Variants in PDE12 observed in about 807,000 individuals in gnomAD.
PDE12 encodes the protein 2',5'-phosphodiesterase 12.
In PDE12, 26 loss-of-function variants were observed where a neutral mutation model predicts 45.4. The observed-to-expected ratio is 0.57, with a 90% confidence interval of 0.42 to 0.79. PDE12 has a LOEUF of 0.79. Ranked by LOEUF, PDE12 falls within the 30% of genes least tolerant of loss-of-function variation. PDE12 has a pLI of 0.00. For synonymous variants in PDE12, 283 were observed against 323.9 expected (o/e 0.87, Z 1.36); for missense variants, 668 against 790.0 (o/e 0.85, Z 1.85).
chr3:57,573,096 G>A, the PDE12 span, among the ~76,000 whole-genome samples: 1 of 151,690 alleles, frequency 6.6e-6, no homozygotes, highest in Non-Finnish European at 1.5e-5. Context: ...CAGCTACTCA[G>A]GAGGCTGAGG....
At chr3:57,580,120 T>C in the PDE12 span, among the ~76,000 whole-genome samples, 2 of 151,958 alleles carry the variant, frequency 1.3e-5, no homozygotes, top group Non-Finnish European at 2.9e-5. Flanking sequence ...CAAAAAATAA[T>C]GTTTGATGCT....
the PDE12 span, among the ~76,000 whole-genome samples, chr3:57,605,924 A>G: frequency 3.0e-4 from 45 of 152,320 alleles, no homozygotes; most frequent in Admixed American, 5.2e-4. Flanking sequence ...TTAAACTCAT[A>G]GAAATAGGAA....
the PDE12 span, among the ~76,000 whole-genome samples, chr3:57,610,283 G>A: frequency 6.6e-6 from 1 of 152,128 alleles, no homozygotes; most frequent in African/African-American, 2.4e-5. Flanking sequence ...ATATCATCCT[G>A]AATGGGCAAA....
At chr3:57,618,069 G>A in the PDE12 span, among the ~76,000 whole-genome samples, 2,254 of 152,182 alleles carry the variant, frequency 0.015, 52 homozygotes, top group African/African-American at 0.051. Context: ...ACCTATAAGT[G>A]GGAACTAAAC....
the PDE12 span, among the ~76,000 whole-genome samples, chr3:57,623,281 C>T: frequency 6.6e-6 from 1 of 151,982 alleles, no homozygotes; most frequent in Admixed American, 6.6e-5. Context: ...AAACAAAAAA[C>T]TGATTTGTTG....
the PDE12 span, among the ~76,000 whole-genome samples, chr3:57,595,536 A>T: frequency 2.6e-5 from 4 of 152,384 alleles, no homozygotes; most frequent in African/African-American, 9.6e-5. Flanking sequence ...TGATTCACAA[A>T]GTGTAAGTAC....
chr3:57,646,215 G>A, the PDE12 span: 18 of 1,472,802 alleles, frequency 1.2e-5, no homozygotes, highest in Non-Finnish European at 1.6e-5. Context: ...TAATGGGTGG[G>A]GAAAAATACG....
chr3:57,628,441 T>C, the PDE12 span: 1 of 1,450,302 alleles, frequency 6.9e-7, no homozygotes. Flanking sequence ...GTCTAACAAT[T>C]AGATACTTTC....
chr3:57,596,957 AC>A, the PDE12 span: 2 of 1,136,740 alleles, frequency 1.8e-6, 1 homozygote, highest in South Asian at 2.8e-5. Context: ...CCGACCCCCG[AC>A]CCGGCGCCCC....
At chr3:57,629,349 G>A in the PDE12 span, among the ~76,000 whole-genome samples, 2 of 152,148 alleles carry the variant, frequency 1.3e-5, no homozygotes, top group Non-Finnish European at 2.9e-5. Flanking sequence ...CAAAGCCACA[G>A]TGACTGGGAG....
At chr3:57,618,119 C>A in the PDE12 span, among the ~76,000 whole-genome samples, 2 of 152,028 alleles carry the variant, frequency 1.3e-5, no homozygotes, top group Non-Finnish European at 1.5e-5. Flanking sequence ...ACAATAAACA[C>A]TGGAGATTCC....
chr3:57,654,606 G>A, the PDE12 span: 1 of 979,318 alleles, frequency 1.0e-6, no homozygotes. Context: ...GCAAGAAAAT[G>A]TCTATTTCTT....
At chr3:57,611,312 C>T in the PDE12 span, among the ~76,000 whole-genome samples, 1 of 152,174 alleles carries the variant, frequency 6.6e-6, no homozygotes, top group Non-Finnish European at 1.5e-5. Flanking sequence ...CCATTCAGGA[C>T]ATAGGCATGG....
the PDE12 span, among the ~76,000 whole-genome samples, chr3:57,603,285 C>G: frequency 1.3e-5 from 2 of 152,170 alleles, no homozygotes; most frequent in African/African-American, 2.4e-5. Context: ...TCTCCCTCCC[C>G]TTGCCCAAAT....
At chr3:57,637,917 C>T in the PDE12 span, among the ~76,000 whole-genome samples, 1 of 151,898 alleles carries the variant, frequency 6.6e-6, no homozygotes, top group Non-Finnish European at 1.5e-5. Flanking sequence ...GAGTGGATCA[C>T]GAGGTCAGGA....
chr3:57,582,141 C>CCGA, the PDE12 span, among the ~76,000 whole-genome samples: 7 of 152,140 alleles, frequency 4.6e-5, no homozygotes, highest in Non-Finnish European at 8.8e-5. Context: ...AAGGAATGTT[C>CCGA]ACCTTGTATT....
the PDE12 span, among the ~76,000 whole-genome samples, chr3:57,579,787 A>T: frequency 6.6e-6 from 1 of 152,190 alleles, no homozygotes; most frequent in African/African-American, 2.4e-5. Context: ...ACCACCTGGA[A>T]AACCATCACT....
At chr3:57,624,923 CA>C in the PDE12 span, among the ~76,000 whole-genome samples, 1 of 151,850 alleles carries the variant, frequency 6.6e-6, no homozygotes, top group Non-Finnish European at 1.5e-5. Context: ...TTTTTTGAGA[CA>C]GGTCTTGCTC....
At chr3:57,602,674 G>A in the PDE12 span, among the ~76,000 whole-genome samples, 5 of 152,000 alleles carry the variant, frequency 3.3e-5, no homozygotes, top group African/African-American at 9.7e-5. Flanking sequence ...GGGTTCAAGC[G>A]ATTCTCCTGC....
Sources: gnomAD v4.1 joint callset for allele counts (sites outside exome capture counted in the v4.1 genomes callset) on GRCh38, gnomAD v4.1.1 for gene constraint, MANE v1.5 for transcripts, NCBI Gene and HGNC (gene_info 2026-07-23, HGNC 2026-07-21) for gene names.